Variants in IDE observed in about 807,000 individuals in gnomAD.
IDE encodes the protein insulin degrading enzyme.
A neutral mutation model predicts 133.2 loss-of-function variants in IDE; 58 were observed. The ratio of observed to expected loss-of-function variants is 0.44; its 90% CI spans 0.35 to 0.54. IDE has a LOEUF of 0.54. Ranked by LOEUF, IDE falls within the 20% of genes least tolerant of loss-of-function variation. The pLI is 0.00. For synonymous variants in IDE, 396 were observed against 421.3 expected, an observed-to-expected ratio of 0.94 and a Z score of 0.73; for missense variants, 981 against 1,234.0, an observed-to-expected ratio of 0.79 and a Z score of 3.07.
At chr10:92,566,084 A>C (rs999859392) in intron 1 of IDE, among the ~76,000 whole-genome samples, 2 of 151,822 alleles carry the variant, frequency 1.3e-5, no homozygotes, top group African/African-American at 2.4e-5. Context: ...AGCCAGGTGC[A>C]GTGGCTCACG....
At chr10:92,519,996 CG>C (rs1480320689) in intron 4 of IDE, among the ~76,000 whole-genome samples, 3 of 151,942 alleles carry the variant, frequency 2.0e-5, no homozygotes, top group Non-Finnish European at 4.4e-5. Flanking sequence ...CCCAGCTACT[CG>C]GGGAGGCCGA....
chr10:92,467,217 C>T (rs950628387), intron 19 of IDE, among the ~76,000 whole-genome samples: 4 of 150,298 alleles, frequency 2.7e-5, no homozygotes, highest in East Asian at 4.0e-4. Context: ...TACAGGTGTG[C>T]GCCACTATGC....
chr10:92,511,798 A>G (rs1056357478), intron 5 of IDE, among the ~76,000 whole-genome samples: 2 of 152,148 alleles, frequency 1.3e-5, no homozygotes, highest in Non-Finnish European at 2.9e-5. Flanking sequence ...TGGAGAAGGA[A>G]TATTGTAGCA....
At chr10:92,573,836 AAGTG>A (rs1843920787) in intron 1 of IDE, 82 bp downstream of exon 1, 1 of 929,514 alleles carries the variant, frequency 1.1e-6, no homozygotes, top group Non-Finnish European at 1.5e-6. Context: ...TGGCGGCTTT[AAGTG>A]CTGAATCACC....
chr10:92,500,040 G>A (rs1027259907), intron 11 of IDE, among the ~76,000 whole-genome samples: 1 of 152,138 alleles, frequency 6.6e-6, no homozygotes, highest in Non-Finnish European at 1.5e-5. Flanking sequence ...GCTCATGCCT[G>A]TAATCCCAGC....
chr10:92,573,863 G>T, intron 1 of IDE, 59 bp downstream of exon 1: 2 of 1,204,328 alleles, frequency 1.7e-6, no homozygotes, highest in South Asian at 3.3e-5. Context: ...TTTGCAACCC[G>T]AGCGCCAAAC....
Position 92,452,581 on chromosome 10 carries a change from A to C in IDE, c.*1863T>G, listed in dbSNP as rs1564582025. 1 of 152,256 alleles carries C rather than the reference A, an allele frequency of 6.6e-6. No individual in the cohort carries two copies. The highest frequency in any genetic ancestry group is 2.4e-5 in the African/African-American group (1 of 41,476). The allele number at this position is 152,256 out of a possible 1,614,324, so 9.4% of individuals were successfully genotyped here. ...CAATTGCAGGTTCATGGAAGACTACATGAGATTGCTCTCAGATCTCTTCAT... is the reference window on the plus strand; with the variant it reads ...CAATTGCAGGTTCATGGAAGACTACCTGAGATTGCTCTCAGATCTCTTCAT... On this transcript the variant is annotated 3_prime_UTR_variant, in exon 25 of 25. Coordinates refer to ENST00000265986, the MANE Select transcript of IDE (RefSeq NM_004969.4).
At chr10:92,486,543 A>AGTTTAGAAGGGAGAAGAAATAC (rs1404756584) in intron 13 of IDE, among the ~76,000 whole-genome samples, 7 of 152,182 alleles carry the variant, frequency 4.6e-5, no homozygotes, top group Non-Finnish European at 8.8e-5. Context: ...GTTTAGAAAC[A>AGTTTAGAAGGGAGAAGAAATAC]GTTTAGAAGG....
At chr10:92,488,932 TAAAAAAAAA>T (rs56377277) in intron 12 of IDE, among the ~76,000 whole-genome samples, 8 of 78,970 alleles carry the variant, frequency 1.0e-4, no homozygotes, top group Non-Finnish European at 1.6e-4. Context: ...TTTCATTATT[TAAAAAAAAA>T]AAAAAAAAAA....
chr10:92,533,016 G>A (rs781369688), intron 3 of IDE, among the ~76,000 whole-genome samples: 1 of 152,168 alleles, frequency 6.6e-6, no homozygotes, highest in Non-Finnish European at 1.5e-5. Context: ...TATGAAAACA[G>A]ATGATTTCTG....
chr10:92,547,926 G>GT (rs1304188354), intron 1 of IDE, among the ~76,000 whole-genome samples: 7 of 152,020 alleles, frequency 4.6e-5, no homozygotes, highest in African/African-American at 7.2e-5. Flanking sequence ...CATCTAGCTT[G>GT]TTTTTTTAAA....
intron 19 of IDE, among the ~76,000 whole-genome samples, chr10:92,467,093 G>C (rs1019644087): frequency 6.6e-6 from 1 of 151,762 alleles, no homozygotes; most frequent in Non-Finnish European, 1.5e-5. Flanking sequence ...CTTTTCACTT[G>C]AGACAGTCTG....
intron 2 of IDE, among the ~76,000 whole-genome samples, chr10:92,537,062 G>A (rs566417374): frequency 6.6e-6 from 1 of 151,726 alleles, no homozygotes; most frequent in South Asian, 2.1e-4. Context: ...AAAGAAAAAG[G>A]AATGTTATAT....
chr10:92,488,644 G>A (rs530976901), intron 12 of IDE, among the ~76,000 whole-genome samples: 1 of 152,014 alleles, frequency 6.6e-6, no homozygotes, highest in Non-Finnish European at 1.5e-5. Flanking sequence ...GGGTATGGTG[G>A]TGTGCACCTG....
chr10:92,504,643 A>G, intron 11 of IDE, 151 bp downstream of exon 11: 1 of 558,198 alleles, frequency 1.8e-6, no homozygotes, highest in Non-Finnish European at 3.2e-6. Flanking sequence ...TCAATGGTTG[A>G]AGCTTGGTGT....
chr10:92,528,839 G>A (rs1589483155), intron 4 of IDE, among the ~76,000 whole-genome samples: 1 of 152,118 alleles, frequency 6.6e-6, no homozygotes, highest in Non-Finnish European at 1.5e-5. Context: ...CACTTTGGAA[G>A]GCTGAGGCGG....
chr10:92,568,904 A>T (rs1254726536), intron 1 of IDE, among the ~76,000 whole-genome samples: 1 of 152,158 alleles, frequency 6.6e-6, no homozygotes, highest in African/African-American at 2.4e-5. Context: ...AGACAGGTTC[A>T]AAGTTGCTGG....
intron 11 of IDE, among the ~76,000 whole-genome samples, chr10:92,499,652 G>A (rs1313836410): frequency 6.6e-6 from 1 of 152,102 alleles, no homozygotes; most frequent in African/African-American, 2.4e-5. Flanking sequence ...GGCTGGTCTC[G>A]AACTCCTGAG....
At chr10:92,492,393 C>T (rs1246594717) in intron 11 of IDE, among the ~76,000 whole-genome samples, 1 of 152,150 alleles carries the variant, frequency 6.6e-6, no homozygotes, top group Non-Finnish European at 1.5e-5. Flanking sequence ...TCTAAGCCAT[C>T]CCTGTGTAGC....
Sources: allele counts gnomAD v4.1 joint callset (sites outside exome capture counted in the v4.1 genomes callset), GRCh38; gene constraint gnomAD v4.1.1; transcripts MANE v1.5; gene names NCBI Gene and HGNC (gene_info 2026-07-23, HGNC 2026-07-21).